Variants in IPP observed in about 807,000 individuals in gnomAD.
IPP encodes the protein actin-binding protein IPP.
A neutral mutation model predicts 64.1 loss-of-function variants in IPP; 41 were observed. The observed-to-expected ratio is 0.64, with a 90% confidence interval of 0.50 to 0.83. The LOEUF (loss-of-function observed/expected upper bound fraction) is 0.83. Ranked by LOEUF, IPP falls within the 40% of genes least tolerant of loss-of-function variation. The pLI is 0.00. For missense variants in IPP, 649 were observed against 703.0 expected (o/e 0.92, Z 0.87); for synonymous variants, 214 against 235.2 (o/e 0.91, Z 0.83).
At chr1:45,716,326 C>T (rs1645659022) in intron 7 of IPP, among the ~76,000 whole-genome samples, 1 of 152,184 alleles carries the variant, frequency 6.6e-6, no homozygotes, top group Non-Finnish European at 1.5e-5. Flanking sequence ...CTCACTGCAA[C>T]CTCTGCCTCC....
At chr1:45,732,906 C>A (rs1389327212) in intron 3 of IPP, among the ~76,000 whole-genome samples, 3 of 152,020 alleles carry the variant, frequency 2.0e-5, no homozygotes, top group Non-Finnish European at 2.9e-5. Context: ...ACCTCGTGAT[C>A]TGCCTGCCTC....
chr1:45,694,387 A>C (rs1456116209), downstream of IPP: 1 of 1,076,154 alleles, frequency 9.3e-7, no homozygotes, highest in South Asian at 1.3e-5. Context: ...TTATCCACTT[A>C]AACATTTCAA....
chr1:45,732,361 C>CAAAAAAAAAAAAAAAAAAAAAAAA (rs779442718), intron 3 of IPP, among the ~76,000 whole-genome samples: 1 of 59,764 alleles, frequency 1.7e-5, no homozygotes, highest in Non-Finnish European at 2.8e-5. Context: ...GACTCCACCT[C>CAAAAAAAAAAAAAAAAAAAAAAAA]AAAAAAAAAA....
chr1:45,744,657 G>A (rs1646110906), intron 2 of IPP, among the ~76,000 whole-genome samples: 1 of 151,986 alleles, frequency 6.6e-6, no homozygotes, highest in South Asian at 2.1e-4. Context: ...TGGCCAACAT[G>A]GTGAAACCCC....
chr1:45,700,203 GA>G lies in IPP; in HGVS notation c.1531-14del, dbSNP rs550999501. 422 of 1,469,118 alleles carry G rather than the reference GA, an allele frequency of 2.9e-4. No homozygotes were observed. Among genetic ancestry groups the G allele is most frequent in the Admixed American group, 9.7e-4 (47 of 48,618 alleles). The allele number at this position is 1,469,118 out of a possible 1,614,324, so 91.0% of individuals were successfully genotyped here. On this transcript the variant is annotated splice_polypyrimidine_tract_variant and intron_variant, in intron 8 of 8. Coordinates refer to ENST00000396478, the MANE Select transcript of IPP (RefSeq NM_005897.3). Reference sequence around the variant, plus strand: ...CAACCCACTTTTCCTGGTTAAGAGAGAAAAAAAAAATATGTTAGCAGTGTTA... The same window carrying G: ...CAACCCACTTTTCCTGGTTAAGAGAGAAAAAAAAATATGTTAGCAGTGTTA...
In IPP at chr1:45,699,841, T is replaced by G; in HGVS notation, c.*125A>C. On this transcript the variant is annotated 3_prime_UTR_variant, in exon 9 of 9. Coordinates refer to ENST00000396478, the MANE Select transcript of IPP (RefSeq NM_005897.3). ...ACTGCGCCCAGCCTCGTTAGTCATT[T>G]ATCTACCAAATACATGGAAAACTCA... 6.7e-7 allele frequency: 1 copy of G among 1,484,122 alleles called. No individual in the cohort carries two copies. The allele number at this position is 1,484,122 out of a possible 1,614,324, so 91.9% of individuals were successfully genotyped here.
intron 3 of IPP, among the ~76,000 whole-genome samples, chr1:45,740,154 A>T (rs909645737): frequency 1.3e-5 from 2 of 152,246 alleles, no homozygotes; most frequent in African/African-American, 4.8e-5. Context: ...GTCATAGATC[A>T]ACAGGATCCC....
intron 6 of IPP, among the ~76,000 whole-genome samples, chr1:45,718,782 G>A (rs1417107626): frequency 5.3e-5 from 8 of 151,122 alleles, no homozygotes; most frequent in Non-Finnish European, 1.0e-4. Flanking sequence ...TTCTTTGTGG[G>A]ATCTAAAAAT....
At position 45,708,221 on chromosome 1, in the gene IPP, C is replaced by T. The variant is rs1038245895; in HGVS notation, c.1530+6025G>A. On this transcript the variant is annotated intron_variant, in intron 8 of 8. Coordinates refer to ENST00000396478, the MANE Select transcript of IPP (RefSeq NM_005897.3). ...CTAGGACTACAGACGCCAGCCACCA[C>T]GCCCAGCTCATTTTTTGTACTTTTA... Among the ~76,000 whole-genome samples the T allele has an allele frequency of 4.0e-5, 6 of 151,642 alleles. No individual in the cohort carries two copies. In the East Asian group the frequency reaches 5.9e-4, roughly 15 times the overall value.
In IPP at chr1:45,740,923, C is replaced by G; in HGVS notation, c.702G>C (p.Gln234His). The G allele has an allele frequency of 6.2e-7, 1 of 1,601,026 alleles. No homozygotes were observed. The highest frequency in any genetic ancestry group is 8.5e-7 in the Non-Finnish European group (1 of 1,175,104). ...DPIRFPLLPP[Q>H]RLLKYIEGVS... The stretch of plus-strand genomic sequence containing the variant: ...TACCTTCTATATACTTTAAAAGTCT[C>G]TGAGGAGGTAATAAAGGGAATCGAA... Residue 234 changes from glutamine to histidine, a missense_variant, in exon 3 of 9, where the codon CAG becomes CAC. Transcript: ENST00000396478.
intron 5 of IPP, among the ~76,000 whole-genome samples, chr1:45,722,844 C>T (rs537650193): frequency 1.4e-3 from 209 of 152,228 alleles, no homozygotes; most frequent in African/African-American, 4.4e-3. Context: ...AGTACTGATA[C>T]GTGTTATGAC....
intron 8 of IPP, among the ~76,000 whole-genome samples, chr1:45,702,565 C>A (rs1388483091): frequency 6.6e-6 from 1 of 152,158 alleles, no homozygotes; most frequent in Non-Finnish European, 1.5e-5. Flanking sequence ...AGCAATTCTC[C>A]TGCTTCAGCC....
In IPP at chr1:45,698,923, C is replaced by T. The variant is rs960267302; in HGVS notation, c.*1043G>A. ...TTTTGGTAGAGACGGAGTCTCATCA[C>T]GTTGCCCAGGCTAGTCTCGAACTCC... On this transcript the variant is annotated 3_prime_UTR_variant, in exon 9 of 9. Coordinates refer to ENST00000396478, the MANE Select transcript of IPP (RefSeq NM_005897.3). 14 of 439,980 alleles carry T rather than the reference C, an allele frequency of 3.2e-5. No individual in the cohort carries two copies. Among genetic ancestry groups the T allele is most frequent in the African/African-American group, 1.7e-4 (8 of 46,564 alleles). 27.3% of individuals were successfully genotyped at this position (439,980 alleles called of 1,614,324 possible).
intron 1 of IPP, among the ~76,000 whole-genome samples, chr1:45,747,505 G>A (rs187203346): frequency 6.9e-4 from 105 of 152,080 alleles, no homozygotes; most frequent in Admixed American, 2.4e-3. Flanking sequence ...GAATTATTAG[G>A]CCACCGGACA....
chr1:45,732,154 G>A (rs1251372176), intron 3 of IPP, among the ~76,000 whole-genome samples: 1 of 151,792 alleles, frequency 6.6e-6, no homozygotes, highest in Non-Finnish European at 1.5e-5. Context: ...GAGGTCAAGA[G>A]TTCAAGACCA....
intron 5 of IPP, among the ~76,000 whole-genome samples, chr1:45,727,030 G>A (rs115111248): frequency 0.012 from 1,804 of 151,930 alleles, 18 homozygotes; most frequent in Middle Eastern, 0.02. Context: ...ACGCCAGGCA[G>A]GTGCCATATT....
At chr1:45,720,692 A>T (rs990197726) in intron 5 of IPP, among the ~76,000 whole-genome samples, 1 of 152,192 alleles carries the variant, frequency 6.6e-6, no homozygotes, top group Non-Finnish European at 1.5e-5. Flanking sequence ...TTCTAGGAAC[A>T]GAAACGTACC....
intron 6 of IPP, among the ~76,000 whole-genome samples, chr1:45,718,154 C>A (rs1557745440): frequency 6.6e-6 from 1 of 152,096 alleles, no homozygotes; most frequent in Non-Finnish European, 1.5e-5. Flanking sequence ...TACAGAACTT[C>A]CTTGTGATAT....
intron 3 of IPP, among the ~76,000 whole-genome samples, chr1:45,739,259 C>T (rs1317925661): frequency 6.6e-6 from 1 of 152,078 alleles, no homozygotes; most frequent in African/African-American, 2.4e-5. Context: ...CTTCAAATCT[C>T]AAAACCAGGT....
Sources: allele counts gnomAD v4.1 joint callset (sites outside exome capture counted in the v4.1 genomes callset), GRCh38; gene constraint gnomAD v4.1.1; transcripts MANE v1.5; gene names NCBI Gene and HGNC (gene_info 2026-07-23, HGNC 2026-07-21).